Variants in CABLES1 observed in about 807,000 individuals in gnomAD.
CABLES1 encodes the protein Cdk5 and Abl enzyme substrate 1.
A neutral mutation model predicts 57.8 loss-of-function variants in CABLES1; 36 were observed. The ratio of observed to expected loss-of-function variants is 0.62; its 90% CI spans 0.48 to 0.82. The LOEUF is 0.82. Among genes scored for constraint, CABLES1 ranks in the 40% least tolerant of loss-of-function variants. The pLI is 0.00. For missense variants in CABLES1, 767 were observed against 836.6 expected, an observed-to-expected ratio of 0.92 and a Z score of 1.03; for synonymous variants, 374 against 363.0, an observed-to-expected ratio of 1.03 and a Z score of -0.35.
chr18:23,239,022 G>A (rs2047671705), intron 7 of CABLES1, among the ~76,000 whole-genome samples: 1 of 152,224 alleles, frequency 6.6e-6, no homozygotes, highest in Admixed American at 6.5e-5. Context: ...TGATAATGCC[G>A]ACCTCTCCTT....
chr18:23,161,757 A>C (rs1356461643), intron 1 of CABLES1, among the ~76,000 whole-genome samples: 1,471 of 146,298 alleles, frequency 0.01, 75 homozygotes, highest in African/African-American at 0.036. Context: ...AAAAATCCAA[A>C]AAAAAAAAAA....
chr18:23,197,061 A>T (rs2047289335), intron 3 of CABLES1: 1 of 152,288 alleles, frequency 6.6e-6, no homozygotes, highest in Non-Finnish European at 1.5e-5. Flanking sequence ...CAAGAAATGA[A>T]CAGGGAGCCT....
chr18:23,236,111 A>G (rs1230473284), intron 6 of CABLES1, 60 bp downstream of exon 6: 8 of 1,565,192 alleles, frequency 5.1e-6, no homozygotes, highest in Non-Finnish European at 7.0e-6. Flanking sequence ...CTCCATTTAC[A>G]TGGGGATTGA....
chr18:23,181,201 C>T (rs532894073), intron 1 of CABLES1, among the ~76,000 whole-genome samples: 42 of 152,164 alleles, frequency 2.8e-4, no homozygotes, highest in Admixed American at 1.2e-3. Flanking sequence ...GAAAGCGGCC[C>T]TAGGCCAGCC....
Position 23,258,687 on chromosome 18 carries a change from C to G in CABLES1, c.*1320C>G, listed in dbSNP as rs867007587. On this transcript the variant is annotated 3_prime_UTR_variant, in exon 10 of 10. Coordinates refer to ENST00000256925, the MANE Select transcript of CABLES1 (RefSeq NM_001100619.3). ...TGCGTTTGTGTAGACGTGTGTCTCA[C>G]CAGTCACCTTTGCCCTGCATTGCTG... is the stretch of plus-strand genomic sequence containing the variant. The G allele has an allele frequency of 2.6e-5, 4 of 152,208 alleles. No individual in the cohort carries two copies. Among genetic ancestry groups the G allele is most frequent in the African/African-American group, 9.7e-5 (4 of 41,420 alleles). The allele number at this position is 152,208 out of a possible 1,614,324, so 9.4% of individuals were successfully genotyped here.
intron 4 of CABLES1, among the ~76,000 whole-genome samples, chr18:23,234,179 T>C (rs1334537240): frequency 6.6e-6 from 1 of 152,116 alleles, no homozygotes; most frequent in Non-Finnish European, 1.5e-5. Flanking sequence ...GATCGTGCCA[T>C]TGCATTGCAG....
At chr18:23,247,947 C>T (rs2145119885) in intron 7 of CABLES1, among the ~76,000 whole-genome samples, 1 of 152,352 alleles carries the variant, frequency 6.6e-6, no homozygotes, top group Admixed American at 6.5e-5. Flanking sequence ...CCTCCCTGCC[C>T]ACTCCCTGCC....
upstream of CABLES1, among the ~76,000 whole-genome samples, chr18:23,135,108 C>A (rs1341544371): frequency 6.6e-6 from 1 of 152,222 alleles, no homozygotes; most frequent in Non-Finnish European, 1.5e-5. Flanking sequence ...CCCAGGAGCA[C>A]AGCCCCAGGA....
chr18:23,228,812 C>G (rs2047546858), intron 4 of CABLES1, among the ~76,000 whole-genome samples: 1 of 151,846 alleles, frequency 6.6e-6, no homozygotes, highest in African/African-American at 2.4e-5. Context: ...TGCCTACAGC[C>G]TCTGCAGAAG....
At chr18:23,250,618 G>A (rs75835656) in intron 7 of CABLES1, among the ~76,000 whole-genome samples, 2 of 152,246 alleles carry the variant, frequency 1.3e-5, no homozygotes, top group Admixed American at 1.3e-4. Flanking sequence ...GACCTTGGCA[G>A]TGAGAGCAGT....
intron 4 of CABLES1, among the ~76,000 whole-genome samples, chr18:23,233,916 C>T (rs1028737912): frequency 6.6e-6 from 1 of 152,052 alleles, no homozygotes; most frequent in Non-Finnish European, 1.5e-5. Context: ...TGGTCTCATG[C>T]AGCATTAGAA....
At chr18:23,158,094 C>T (rs1332389099) in intron 1 of CABLES1, among the ~76,000 whole-genome samples, 1 of 142,520 alleles carries the variant, frequency 7.0e-6, no homozygotes, top group Admixed American at 7.3e-5. Context: ...CCAGCCTGGG[C>T]AACATGGGAA....
rs113232639 is a variant in CABLES1, at chr18:23,135,692, G to A, written c.-71G>A. On this transcript the variant is annotated 5_prime_UTR_variant, in exon 1 of 10. Coordinates refer to ENST00000256925, the MANE Select transcript of CABLES1 (RefSeq NM_001100619.3). The stretch of plus-strand genomic sequence containing the variant: ...CCCAGCCCGGGTCGCCGCCGCTCGC[G>A]CCCGCCGCTTAGCGCTCGGGCGCCG... 459,722 of 981,596 alleles carry A rather than the reference G, an allele frequency of 0.47. 112,361 individuals carry two copies. The highest frequency in any genetic ancestry group is 0.5 in the Non-Finnish European group (411,701 of 828,604). 60.8% of individuals were successfully genotyped at this position (981,596 alleles called of 1,614,324 possible).
At chr18:23,183,894 T>C (rs72874963) in intron 1 of CABLES1, among the ~76,000 whole-genome samples, 2,908 of 152,274 alleles carry the variant, frequency 0.019, 47 homozygotes, top group Non-Finnish European at 0.031. Context: ...CCTGAGGCTT[T>C]TTGTTTATTA....
Position 23,153,359 on chromosome 18 carries a change from A to G in CABLES1, c.845+16752A>G, listed in dbSNP as rs912684641. On this transcript the variant is annotated intron_variant, in intron 1 of 9. Transcript: ENST00000256925. Reference sequence around the variant, plus strand: ...GCCATCTGCCTGCCTCAGCCTCCCAATGTGCTAGGATTACAGGCATGTGCC... The same window carrying G: ...GCCATCTGCCTGCCTCAGCCTCCCAGTGTGCTAGGATTACAGGCATGTGCC... Among the ~76,000 whole-genome samples the G allele has an allele frequency of 3.3e-5, 5 of 152,042 alleles. 1 individual carries two copies. Among genetic ancestry groups the G allele is most frequent in the South Asian group, 4.2e-4 (2 of 4,794 alleles).
At chr18:23,175,649 A>G (rs1466595821) in intron 1 of CABLES1, among the ~76,000 whole-genome samples, 5 of 152,124 alleles carry the variant, frequency 3.3e-5, no homozygotes, top group Non-Finnish European at 4.4e-5. Flanking sequence ...GGGTTTTGCC[A>G]TGTTGCCCAG....
intron 1 of CABLES1, among the ~76,000 whole-genome samples, chr18:23,175,664 G>C (rs146612911): frequency 6.6e-6 from 1 of 152,112 alleles, no homozygotes; most frequent in African/African-American, 2.4e-5. Flanking sequence ...GCCCAGGCTG[G>C]TCTCAAACTC....
At chr18:23,185,760 G>A (rs916800048) in intron 1 of CABLES1, among the ~76,000 whole-genome samples, 1 of 152,198 alleles carries the variant, frequency 6.6e-6, no homozygotes, top group Non-Finnish European at 1.5e-5. Context: ...GTGACAGAAC[G>A]TGTCGAGATT....
In CABLES1 at chr18:23,158,742, G is replaced by C. The variant is rs142958463; in HGVS notation, c.845+22135G>C. Reference sequence around the variant, plus strand: ...TTGTGGGCACCTATTGGGTTGAATAGTCCCTGCCTCGAACGTGTGAGGATT... The same window carrying C: ...TTGTGGGCACCTATTGGGTTGAATACTCCCTGCCTCGAACGTGTGAGGATT... On this transcript the variant is annotated intron_variant, in intron 1 of 9. Coordinates refer to ENST00000256925, the MANE Select transcript of CABLES1 (RefSeq NM_001100619.3). 7.9e-5 allele frequency among the ~76,000 whole-genome samples: 12 copies of C among 152,298 alleles called. No individual in the cohort carries two copies. The East Asian group carries it at 2.1e-3, about 27-fold the overall frequency.
Sources: allele counts gnomAD v4.1 joint callset (sites outside exome capture counted in the v4.1 genomes callset), GRCh38; gene constraint gnomAD v4.1.1; transcripts MANE v1.5; gene names NCBI Gene and HGNC (gene_info 2026-07-23, HGNC 2026-07-21).